The following CNBD1 variants were observed in gnomAD, a reference collection of about 807,000 sequenced individuals.
The protein encoded by CNBD1 is cyclic nucleotide-binding domain-containing protein 1.
In CNBD1, 71 loss-of-function variants were observed where a neutral mutation model predicts 54.4. The ratio of observed to expected loss-of-function variants is 1.30; its 90% CI spans 1.08 to 1.59. The LOEUF is 1.59. Ranked by LOEUF, CNBD1 falls within the 40% of genes most tolerant of loss-of-function variation. CNBD1 has a pLI of 0.00. For missense variants in CNBD1, 659 were observed against 518.0 expected (o/e 1.27, Z -2.64); for synonymous variants, 182 against 170.7 (o/e 1.07, Z -0.51).
intron 4 of CNBD1, among the ~76,000 whole-genome samples, chr8:87,037,958 A>G (rs1809984619): frequency 6.6e-6 from 1 of 152,216 alleles, no homozygotes; most frequent in African/African-American, 2.4e-5. Context: ...AAAGCTTAGT[A>G]TAAACTTTCA....
chr8:87,215,918 C>G lies in CNBD1; in HGVS notation c.577+9780C>G, dbSNP rs75056264. On this transcript the variant is annotated intron_variant, in intron 5 of 10. Coordinates refer to ENST00000518476, the MANE Select transcript of CNBD1 (RefSeq NM_173538.3). Reference sequence around the variant, plus strand: ...CCATTCCCCTAAACCCTGGTAGCCACTAGCCTGTTCTCTATTTCTATGGTT... The same window carrying G: ...CCATTCCCCTAAACCCTGGTAGCCAGTAGCCTGTTCTCTATTTCTATGGTT... 5.0e-3 allele frequency among the ~76,000 whole-genome samples: 768 copies of G among 152,284 alleles called. 5 individuals are homozygous for G. The highest frequency in any genetic ancestry group is 0.017 in the African/African-American group (703 of 41,546).
At chr8:87,386,111 G>A (rs1451993659), downstream of CNBD1, among the ~76,000 whole-genome samples, 1 of 152,098 alleles carries the variant, frequency 6.6e-6, no homozygotes, top group Admixed American at 6.6e-5. Flanking sequence ...AACCCCATCT[G>A]TGCATCACCA....
At chr8:87,094,313 G>A (rs755655545) in intron 4 of CNBD1, among the ~76,000 whole-genome samples, 1 of 151,944 alleles carries the variant, frequency 6.6e-6, no homozygotes, top group Non-Finnish European at 1.5e-5. Flanking sequence ...GCCCAAGCTT[G>A]GCATAAATAT....
intron 2 of CNBD1, among the ~76,000 whole-genome samples, chr8:86,903,104 A>T (rs1318239282): frequency 6.6e-6 from 1 of 151,824 alleles, no homozygotes; most frequent in Non-Finnish European, 1.5e-5. Flanking sequence ...CTAGCATTTG[A>T]CTCTTCCATT....
intron 4 of CNBD1, among the ~76,000 whole-genome samples, chr8:86,955,677 G>C (rs974691633): frequency 3.9e-5 from 6 of 152,142 alleles, no homozygotes; most frequent in African/African-American, 1.4e-4. Context: ...TTTTGATGGG[G>C]TTGTTTGATT....
intron 10 of CNBD1, among the ~76,000 whole-genome samples, chr8:87,379,180 T>G (rs536863749): frequency 0.018 from 2,783 of 151,918 alleles, 86 homozygotes; most frequent in African/African-American, 0.061. Context: ...GGCCAGAAGT[T>G]CCAACACTAT....
At position 86,939,722 on chromosome 8, in the gene CNBD1, AT is replaced by A; in HGVS notation, c.402del (p.Phe134LeufsTer5). 6.3e-7 allele frequency: 1 copy of A among 1,581,666 alleles called. No individual in the cohort carries two copies. The highest frequency in any genetic ancestry group is 1.2e-5 in the South Asian group (1 of 86,214). ...ATAGACCAAAAAGAGCCACAGAGAA[AT>A]TTGAAGAATTCCTAGCTATCTTAAA... ...LYRPKRATEK[F>X]EEFLAILKKL... On this transcript the variant is annotated frameshift_variant, in exon 4 of 11. Coordinates refer to ENST00000518476, the MANE Select transcript of CNBD1 (RefSeq NM_173538.3). LOFTEE classifies it high-confidence loss of function.
chr8:87,140,211 T>TTCTC (rs751577787), intron 4 of CNBD1, among the ~76,000 whole-genome samples: 4 of 149,574 alleles, frequency 2.7e-5, no homozygotes, highest in Admixed American at 6.7e-5. Context: ...TCTGTCTCTC[T>TTCTC]TCTCTCTCTC....
chr8:87,231,903 A>T (rs1244581132), intron 5 of CNBD1, among the ~76,000 whole-genome samples: 2 of 152,128 alleles, frequency 1.3e-5, no homozygotes, highest in East Asian at 3.9e-4. Context: ...AGTTCTCTTT[A>T]TATTTCTTCC....
chr8:87,410,108 T>C (rs7820476), intron 2 of CNBD1, among the ~76,000 whole-genome samples: 83,242 of 151,912 alleles, frequency 0.55, 23,883 homozygotes, highest in African/African-American at 0.71. Flanking sequence ...CATCTGTTTA[T>C]AGCATGGTTC....
chr8:87,237,027 C>T lies in CNBD1; in HGVS notation c.686C>T (p.Ser229Phe). ...EGSDSPDSFI[S>F]QSFHSFIWSE... is the part of the protein sequence containing the mutation. ...AGTGATTCACCAGACTCGTTCATAT[C>T]TCAGAGTTTCCACAGCTTCATTTGG... Residue 229 changes from serine (S) to phenylalanine (F), a missense_variant, in exon 6 of 11, where the codon TCT (serine) becomes TTT (phenylalanine). Ser to Phe is a radical substitution (Grantham distance 155). Coordinates refer to ENST00000518476, the MANE Select transcript of CNBD1 (RefSeq NM_173538.3). 1 of 1,612,092 alleles carries T rather than the reference C, an allele frequency of 6.2e-7. No individual in the cohort carries two copies. Among genetic ancestry groups the T allele is most frequent in the Non-Finnish European group, 8.5e-7 (1 of 1,178,506 alleles).
intron 8 of CNBD1, among the ~76,000 whole-genome samples, chr8:87,321,430 GT>G (rs1381597295): frequency 5.3e-5 from 8 of 152,056 alleles, no homozygotes; most frequent in African/African-American, 1.9e-4. Context: ...TTTGATTTGT[GT>G]TTGTGTAATA....
At chr8:87,360,333 G>T (rs1212946166) in intron 10 of CNBD1, among the ~76,000 whole-genome samples, 1 of 151,754 alleles carries the variant, frequency 6.6e-6, no homozygotes, top group Non-Finnish European at 1.5e-5. Context: ...TGTTCCTTTT[G>T]GTGGTTAACT....
intron 2 of CNBD1, among the ~76,000 whole-genome samples, chr8:86,888,819 T>G (rs2131788951): frequency 6.6e-6 from 1 of 152,300 alleles, no homozygotes; most frequent in South Asian, 2.1e-4. Flanking sequence ...TTCGTTTTGC[T>G]TTCTGGCCCA....
At chr8:86,925,568 A>C (rs527796499) in intron 3 of CNBD1, among the ~76,000 whole-genome samples, 5 of 150,880 alleles carry the variant, frequency 3.3e-5, no homozygotes, top group African/African-American at 1.2e-4. Flanking sequence ...TAAAGGCAGT[A>C]AAGAAAGATT....
intron 4 of CNBD1, among the ~76,000 whole-genome samples, chr8:86,983,405 G>A (rs796887568): frequency 1.3e-5 from 2 of 152,300 alleles, no homozygotes; most frequent in African/African-American, 2.4e-5. Flanking sequence ...TACCAGTAGA[G>A]TGGGGCACTG....
chr8:87,176,180 T>C (rs762584695), intron 4 of CNBD1, among the ~76,000 whole-genome samples: 1 of 152,210 alleles, frequency 6.6e-6, no homozygotes, highest in Admixed American at 6.5e-5. Context: ...TAAAACCAGG[T>C]ACTGTGAGTG....
At chr8:87,257,279 G>T (rs1168959866) in intron 6 of CNBD1, among the ~76,000 whole-genome samples, 1 of 145,724 alleles carries the variant, frequency 6.9e-6, no homozygotes, top group Non-Finnish European at 1.5e-5. Flanking sequence ...TGAGACAGGA[G>T]AATCGCTTGA....
At chr8:87,273,356 A>G (rs1280909285) in intron 6 of CNBD1, among the ~76,000 whole-genome samples, 1 of 150,130 alleles carries the variant, frequency 6.7e-6, no homozygotes, top group Non-Finnish European at 1.5e-5. Flanking sequence ...TAGGAAGAAG[A>G]AACGTTCTGC....
Sources: gnomAD v4.1 joint callset for allele counts (sites outside exome capture counted in the v4.1 genomes callset) on GRCh38, gnomAD v4.1.1 for gene constraint, MANE v1.5 for transcripts, NCBI Gene and HGNC (gene_info 2026-07-23, HGNC 2026-07-21) for gene names.